Variants in SLC7A5 observed in about 807,000 individuals in gnomAD.
SLC7A5 encodes solute carrier family 7 member 5, also known as large neutral amino acids transporter small subunit 1.
Under a neutral mutation model 50.2 loss-of-function variants are expected in SLC7A5, and 23 were observed. That is an observed-to-expected ratio of 0.46 (90% confidence interval 0.33 to 0.65). The LOEUF (loss-of-function observed/expected upper bound fraction) is 0.65, where lower values mean the gene tolerates loss of function less well. Ranked by LOEUF, SLC7A5 falls within the 30% of genes least tolerant of loss-of-function variation. The pLI is 0.02. For missense variants in SLC7A5, 578 were observed against 684.4 expected, an observed-to-expected ratio of 0.84 and a Z score of 1.73; for synonymous variants, 393 against 330.6, an observed-to-expected ratio of 1.19 and a Z score of -2.05.
At position 87,860,337 on chromosome 16, in the gene SLC7A5, A is replaced by T. The variant is rs201167364; in HGVS notation, c.539-8488T>A. On this transcript the variant is annotated intron_variant, in intron 1 of 9. Coordinates refer to ENST00000261622, the MANE Select transcript of SLC7A5 (RefSeq NM_003486.7). The surrounding 1 kb of genome is among the most constrained non-coding windows in gnomAD (Gnocchi z 4.8). ...AACAAAAGCATCTCAAAAAAAAAAA[A>T]AAATACACACACACACACACACACA... 0.069 allele frequency among the ~76,000 whole-genome samples: 7,259 copies of T among 104,716 alleles called. 354 individuals are homozygous for T. The highest frequency in any genetic ancestry group is 0.17 in the South Asian group (550 of 3,234). 68.7% of individuals were successfully genotyped at this position (104,716 alleles called of 152,430 possible).
At chr16:87,849,818 C>T (rs2055197823) in intron 2 of SLC7A5, among the ~76,000 whole-genome samples, 1 of 152,140 alleles carries the variant, frequency 6.6e-6, no homozygotes, top group African/African-American at 2.4e-5. Context: ...CCCCGGGCGA[C>T]TCTGAGAATC....
chr16:87,847,220 A>G (rs2055165051), intron 2 of SLC7A5, among the ~76,000 whole-genome samples: 1 of 152,230 alleles, frequency 6.6e-6, no homozygotes, highest in African/African-American at 2.4e-5. Context: ...TCCACACCCC[A>G]GAGCCACAGA....
intron 1 of SLC7A5, among the ~76,000 whole-genome samples, chr16:87,856,451 G>A (rs1275323781): frequency 1.3e-5 from 2 of 152,216 alleles, no homozygotes; most frequent in Non-Finnish European, 1.5e-5. Flanking sequence ...CAGTTCGCAC[G>A]GGGCCGGAGA....
chr16:87,854,381 T>C (rs1208298333), intron 1 of SLC7A5, among the ~76,000 whole-genome samples: 1 of 152,250 alleles, frequency 6.6e-6, no homozygotes, highest in Non-Finnish European at 1.5e-5. Context: ...GTGTCCTTTT[T>C]TTTACGTTTT....
chr16:87,841,301 T>C lies in SLC7A5; in HGVS notation c.665-146A>G, dbSNP rs917986174. ...TTCACTGTGACAAATGGTATGTACCTGCTGAGCCACATGGAGGGTGCAGGG... is the reference window on the plus strand; with the variant it reads ...TTCACTGTGACAAATGGTATGTACCCGCTGAGCCACATGGAGGGTGCAGGG... On this transcript the variant is annotated intron_variant, in intron 2 of 9. Coordinates refer to ENST00000261622, the MANE Select transcript of SLC7A5 (RefSeq NM_003486.7). This position sits in a 1 kb window ranked among gnomAD's most constrained non-coding sequence, Gnocchi z 4.8. 20 of 675,148 alleles carry C rather than the reference T, an allele frequency of 3.0e-5. No homozygotes were observed. Among genetic ancestry groups the C allele is most frequent in the Admixed American group, 1.6e-4 (8 of 48,724 alleles). 41.8% of individuals were successfully genotyped at this position (675,148 alleles called of 1,614,324 possible).
intron 6 of SLC7A5, among the ~76,000 whole-genome samples, chr16:87,838,361 G>A (rs1010302736): frequency 2.7e-5 from 4 of 146,346 alleles, no homozygotes; most frequent in Non-Finnish European, 3.0e-5. Flanking sequence ...GCACCATCTC[G>A]GCTCACTGCA....
chr16:87,851,669 G>T (rs1165508844), intron 2 of SLC7A5, 55 bp downstream of exon 2: 3 of 1,591,406 alleles, frequency 1.9e-6, no homozygotes, highest in East Asian at 2.3e-5. Flanking sequence ...CCCTGTGAAG[G>T]ACACACAGGC....
At chr16:87,867,462 C>G (rs1319943110) in intron 1 of SLC7A5, among the ~76,000 whole-genome samples, 1 of 152,180 alleles carries the variant, frequency 6.6e-6, no homozygotes, top group East Asian at 1.9e-4. Flanking sequence ...CATGGTGGTG[C>G]GGCTGCTCGA....
chr16:87,834,437 G>C lies in SLC7A5; in HGVS notation c.1445C>G (p.Pro482Arg). 6.4e-7 allele frequency: 1 copy of C among 1,557,066 alleles called. No individual in the cohort carries two copies. The highest frequency in any genetic ancestry group is 8.7e-7 in the Non-Finnish European group (1 of 1,150,002). The change falls in exon 9 of 10, where the codon CCC (proline) becomes CGC (arginine). Residue 482 changes from proline to arginine, a missense_variant. Pro to Arg is a moderately radical substitution (Grantham distance 103, BLOSUM62 -2). Around this residue, in one of 2 missense-constraint regions of SLC7A5, gnomAD observed 465 missense variants for 594.6 expected, o/e 0.78. Transcript: ENST00000261622. ...YFFGVWWKNK[P>R]KWLLQGIFST... ...ACAGATGCCCTGGAGGAGCCACTTG[G>C]GCTTGTTTTTCCACCAGACCCCGAA...
In SLC7A5 at chr16:87,862,740, C is replaced by T. The variant is rs999350966; in HGVS notation, c.538+6145G>A. Among the ~76,000 whole-genome samples the T allele has an allele frequency of 2.8e-4, 42 of 152,376 alleles. No individual in the cohort carries two copies. Among genetic ancestry groups the T allele is most frequent in the Middle Eastern group, 3.4e-3 (1 of 294 alleles). Reference sequence around the variant, plus strand: ...ATTCCCAGACACCTGGCGCTGGGGCCAATCCCATTCCACAGTCAGAAACAG... The same window carrying T: ...ATTCCCAGACACCTGGCGCTGGGGCTAATCCCATTCCACAGTCAGAAACAG... On this transcript the variant is annotated intron_variant, in intron 1 of 9. Coordinates refer to ENST00000261622, the MANE Select transcript of SLC7A5 (RefSeq NM_003486.7). The surrounding 1 kb of genome is among the most constrained non-coding windows in gnomAD (Gnocchi z 5.3).
chr16:87,844,803 C>T (rs1423001029), intron 2 of SLC7A5, among the ~76,000 whole-genome samples: 1 of 152,080 alleles, frequency 6.6e-6, no homozygotes, highest in Non-Finnish European at 1.5e-5. Context: ...TCCAACCACT[C>T]TGGCCCCTTG....
rs61164920 is a variant in SLC7A5, at chr16:87,852,638, CTGTGTGTGTG to C, written c.539-799_539-790del. ...CTGTAAGGCACCCAGCTCTGAGCCT[CTGTGTGTGTG>C]TGTGTGTGTGTGTGTGTGTGTGTGT... On this transcript the variant is annotated intron_variant, in intron 1 of 9. Coordinates refer to ENST00000261622, the MANE Select transcript of SLC7A5 (RefSeq NM_003486.7). The surrounding 1 kb of genome is among the most constrained non-coding windows in gnomAD (Gnocchi z 4.5). Among the ~76,000 whole-genome samples, 2,592 of 116,826 alleles carry C rather than the reference CTGTGTGTGTG, an allele frequency of 0.022. 72 individuals carry two copies. Among genetic ancestry groups the C allele is most frequent in the African/African-American group, 0.075 (2,316 of 30,684 alleles). 76.6% of individuals were successfully genotyped at this position (116,826 alleles called of 152,430 possible).
At position 87,853,700 on chromosome 16, in the gene SLC7A5, C is replaced by T. The variant is rs9923347; in HGVS notation, c.539-1851G>A. 2.5e-3 allele frequency among the ~76,000 whole-genome samples: 377 copies of T among 152,164 alleles called. 2 individuals carry two copies. The highest frequency in any genetic ancestry group is 8.6e-3 in the African/African-American group (357 of 41,570). On this transcript the variant is annotated intron_variant, in intron 1 of 9. Coordinates refer to ENST00000261622, the MANE Select transcript of SLC7A5 (RefSeq NM_003486.7). This position sits in a 1 kb window ranked among gnomAD's most constrained non-coding sequence, Gnocchi z 4.4. ...AGAAACTGAGCCTCGGGGACCTAGC[C>T]GGCTTCTGGAGAGCTTTCTGGATTC... is the stretch of plus-strand genomic sequence containing the variant.
chr16:87,855,807 G>A (rs1038370296), intron 1 of SLC7A5, among the ~76,000 whole-genome samples: 2 of 152,090 alleles, frequency 1.3e-5, no homozygotes, highest in African/African-American at 2.4e-5. Flanking sequence ...TGGGGACCCC[G>A]CAGGCCCCAT....
intron 2 of SLC7A5, among the ~76,000 whole-genome samples, chr16:87,847,135 G>A (rs899586361): frequency 5.3e-5 from 8 of 152,196 alleles, no homozygotes; most frequent in African/African-American, 1.9e-4. Flanking sequence ...ACACACTCAG[G>A]TGAAGCCAGG....
At chr16:87,867,624 C>G (rs1421139070) in intron 1 of SLC7A5, among the ~76,000 whole-genome samples, 1 of 152,030 alleles carries the variant, frequency 6.6e-6, no homozygotes, top group Non-Finnish European at 1.5e-5. Flanking sequence ...TCAGAAGCCA[C>G]TCCCCTGATT....
intron 2 of SLC7A5, among the ~76,000 whole-genome samples, chr16:87,842,163 G>C (rs543957274): frequency 6.6e-6 from 1 of 152,344 alleles, no homozygotes; most frequent in East Asian, 1.9e-4. Context: ...TACCTGCCAG[G>C]TGCATATACA....
chr16:87,854,101 G>A (rs937020866), intron 1 of SLC7A5: 2 of 44,188 alleles, frequency 4.5e-5, no homozygotes, highest in Non-Finnish European at 8.3e-5. Flanking sequence ...GCCTGACCCT[G>A]CCTGCCCAGT....
Position 87,862,745 on chromosome 16 carries a change from C to T in SLC7A5, c.538+6140G>A, listed in dbSNP as rs1250324464. Among the ~76,000 whole-genome samples the T allele has an allele frequency of 6.6e-6, 1 of 152,252 alleles. No homozygotes were observed. The highest frequency in any genetic ancestry group is 1.5e-5 in the Non-Finnish European group (1 of 68,042). On this transcript the variant is annotated intron_variant, in intron 1 of 9. Transcript: ENST00000261622. This position sits in a 1 kb window ranked among gnomAD's most constrained non-coding sequence, Gnocchi z 5.3. ...CAGACACCTGGCGCTGGGGCCAATC[C>T]CATTCCACAGTCAGAAACAGGCTCG...
Sources: gnomAD v4.1 joint callset for allele counts (sites outside exome capture counted in the v4.1 genomes callset) on GRCh38, gnomAD v4.1.1 for gene constraint, gnomAD v4.1.1 regional missense constraint, Gnocchi (gnomAD v3.1) non-coding constraint, MANE v1.5 for transcripts, NCBI Gene and HGNC (gene_info 2026-07-23, HGNC 2026-07-21) for gene names.